The following DENND1A variants were observed in gnomAD, a reference collection of about 807,000 sequenced individuals.
DENND1A encodes the protein DENN domain-containing protein 1A.
DENND1A carries 51 observed loss-of-function variants against 113.7 expected under a neutral mutation model. The observed-to-expected ratio is 0.45, with a 90% confidence interval of 0.36 to 0.57. DENND1A has a LOEUF of 0.57. Ranked by LOEUF, DENND1A falls within the 20% of genes least tolerant of loss-of-function variation. DENND1A has a pLI of 0.00. For synonymous variants in DENND1A, 565 were observed against 570.8 expected, an observed-to-expected ratio of 0.99 and a Z score of 0.14; for missense variants, 1,258 against 1,395.9, an observed-to-expected ratio of 0.90 and a Z score of 1.57.
chr9:123,558,819 G>A (rs941110024), intron 12 of DENND1A, among the ~76,000 whole-genome samples: 3 of 152,170 alleles, frequency 2.0e-5, no homozygotes, highest in Admixed American at 6.5e-5. Context: ...ATTGTGCGAC[G>A]TGGTGACCTC....
chr9:123,492,201 A>T (rs2133995743), intron 13 of DENND1A: 1 of 152,540 alleles, frequency 6.6e-6, no homozygotes, highest in South Asian at 2.1e-4. Context: ...CATGGGAGAG[A>T]CAGACAGGCA....
chr9:123,902,019 TAAATAA>T lies in DENND1A; in HGVS notation c.18-23004_18-22999del, dbSNP rs1269944619. On this transcript the variant is annotated intron_variant, in intron 1 of 23. Coordinates refer to ENST00000394215, the MANE Select transcript of DENND1A (RefSeq NM_001352964.2). ...AGACTCCGTCTCAAAAATAAATAAA[TAAATAA>T]AAATAAAGGCGATGTCATGTAAAGC... Among the ~76,000 whole-genome samples the T allele has an allele frequency of 2.6e-5, 4 of 151,546 alleles. No homozygotes were observed. In the East Asian group the frequency reaches 7.7e-4, roughly 29 times the overall value.
intron 5 of DENND1A, among the ~76,000 whole-genome samples, chr9:123,683,173 T>A (rs1327560690): frequency 6.6e-6 from 1 of 152,174 alleles, no homozygotes; most frequent in Non-Finnish European, 1.5e-5. Flanking sequence ...ATGAAGCCCA[T>A]GTTGGACATG....
At chr9:123,466,030 T>C (rs1191465361) in intron 13 of DENND1A, among the ~76,000 whole-genome samples, 1 of 152,214 alleles carries the variant, frequency 6.6e-6, no homozygotes, top group East Asian at 1.9e-4. Flanking sequence ...AGATGGAGTC[T>C]CGCTCTGTCA....
chr9:123,569,076 G>T (rs2058215864), intron 12 of DENND1A, among the ~76,000 whole-genome samples: 1 of 152,112 alleles, frequency 6.6e-6, no homozygotes, highest in African/African-American at 2.4e-5. Flanking sequence ...ACAAACGAAC[G>T]AAAAAGTAGC....
intron 2 of DENND1A, among the ~76,000 whole-genome samples, chr9:123,865,387 A>C (rs1342080760): frequency 6.6e-6 from 1 of 152,228 alleles, no homozygotes; most frequent in Non-Finnish European, 1.5e-5. Flanking sequence ...TTTAAAGCCT[A>C]AACTGGACTT....
At chr9:123,885,405 A>G (rs1325567907) in intron 1 of DENND1A, among the ~76,000 whole-genome samples, 1 of 152,194 alleles carries the variant, frequency 6.6e-6, no homozygotes, top group Non-Finnish European at 1.5e-5. Flanking sequence ...CACCTGGCTC[A>G]ATAAATGTTT....
intron 2 of DENND1A, among the ~76,000 whole-genome samples, chr9:123,813,605 G>A (rs1258077547): frequency 1.3e-5 from 2 of 151,818 alleles, no homozygotes; most frequent in African/African-American, 4.8e-5. Context: ...GAACATACCA[G>A]AATATACTGA....
intron 18 of DENND1A, among the ~76,000 whole-genome samples, chr9:123,448,648 G>A (rs2047484042): frequency 6.6e-6 from 1 of 152,168 alleles, no homozygotes; most frequent in Non-Finnish European, 1.5e-5. Context: ...AGTAAAGAAT[G>A]CCACCTGCCA....
chr9:123,453,559 G>T (rs190264806), intron 16 of DENND1A, among the ~76,000 whole-genome samples: 1 of 151,990 alleles, frequency 6.6e-6, no homozygotes, highest in African/African-American at 2.4e-5. Flanking sequence ...CCAGGCTAAG[G>T]GGTCTACACT....
At chr9:123,685,260 T>C (rs2064737252) in intron 5 of DENND1A, among the ~76,000 whole-genome samples, 1 of 152,182 alleles carries the variant, frequency 6.6e-6, no homozygotes, top group Admixed American at 6.5e-5. Context: ...AACACAATCC[T>C]CTTTGGGAGC....
At chr9:123,495,137 C>G (rs1417904803) in intron 13 of DENND1A, among the ~76,000 whole-genome samples, 2 of 73,164 alleles carry the variant, frequency 2.7e-5, no homozygotes. Context: ...CCATCATTGT[C>G]TCTTTCTCTC....
intron 12 of DENND1A, among the ~76,000 whole-genome samples, chr9:123,563,021 G>C (rs1352214944): frequency 6.6e-6 from 1 of 152,140 alleles, no homozygotes; most frequent in Non-Finnish European, 1.5e-5. Flanking sequence ...CTGCTTGGAG[G>C]AAAGTCTAGG....
At chr9:123,816,931 T>C (rs992976435) in intron 2 of DENND1A, among the ~76,000 whole-genome samples, 6 of 152,142 alleles carry the variant, frequency 3.9e-5, no homozygotes, top group Non-Finnish European at 5.9e-5. Context: ...GGGGCAAAAA[T>C]ACAGCCACTA....
intron 10 of DENND1A, among the ~76,000 whole-genome samples, chr9:123,623,429 T>C (rs2061048051): frequency 6.6e-6 from 1 of 152,116 alleles, no homozygotes; most frequent in African/African-American, 2.4e-5. Context: ...GATCACAGAG[T>C]TAAAACAGAT....
At chr9:123,855,959 C>A (rs1226367809) in intron 2 of DENND1A, among the ~76,000 whole-genome samples, 1 of 152,098 alleles carries the variant, frequency 6.6e-6, no homozygotes, top group Non-Finnish European at 1.5e-5. Flanking sequence ...ATCGCTTGAA[C>A]CCGGGAGGCG....
chr9:123,663,367 A>G (rs565615203), intron 8 of DENND1A, among the ~76,000 whole-genome samples: 34 of 152,290 alleles, frequency 2.2e-4, no homozygotes, highest in African/African-American at 7.7e-4. Context: ...CTTTGATCCA[A>G]CTGCTATTTC....
chr9:123,435,390 C>T (rs1057220192), intron 19 of DENND1A, among the ~76,000 whole-genome samples: 2 of 152,180 alleles, frequency 1.3e-5, no homozygotes. Flanking sequence ...ATCCCAAGAG[C>T]TGTTCCTGGG....
At chr9:123,792,029 A>G (rs1457171077) in intron 3 of DENND1A, among the ~76,000 whole-genome samples, 2 of 152,282 alleles carry the variant, frequency 1.3e-5, no homozygotes, top group African/African-American at 2.4e-5. Flanking sequence ...ACCCCATTCT[A>G]TGCTTGCAGA....
Sources: gnomAD v4.1 joint callset for allele counts (sites outside exome capture counted in the v4.1 genomes callset) on GRCh38, gnomAD v4.1.1 for gene constraint, MANE v1.5 for transcripts, NCBI Gene and HGNC (gene_info 2026-07-23, HGNC 2026-07-21) for gene names.